CTRB1: variants seen among roughly 807,000 people sequenced by gnomAD.
The protein encoded by CTRB1 is chymotrypsinogen B.
In CTRB1, 15 loss-of-function variants were observed where a neutral mutation model predicts 20.4. That is an observed-to-expected ratio of 0.74 (90% CI 0.49 to 1.13). The LOEUF (loss-of-function observed/expected upper bound fraction) is 1.13, where lower values mean the gene tolerates loss of function less well. CTRB1 is among the 50% of genes most tolerant of loss of function. The pLI is 0.00. For missense variants in CTRB1, 227 were observed against 290.1 expected, an observed-to-expected ratio of 0.78 and a Z score of 1.58; for synonymous variants, 92 against 128.4, an observed-to-expected ratio of 0.72 and a Z score of 1.92.
intron 1 of CTRB1, among the ~76,000 whole-genome samples, chr16:75,219,349 G>GTCC (rs1180982570): frequency 6.6e-6 from 1 of 152,018 alleles, no homozygotes; most frequent in African/African-American, 2.4e-5. Flanking sequence ...CTCCACCGGG[G>GTCC]TTTTTATTGT....
intron 6 of CTRB1, 148 bp from the exon 7 acceptor site, chr16:75,224,557 A>T (rs1170786222): frequency 8.5e-6 from 8 of 940,648 alleles, no homozygotes; most frequent in Admixed American, 7.8e-5. Context: ...AGCAGCTACT[A>T]GGGTCTTTCA....
intron 1 of CTRB1, among the ~76,000 whole-genome samples, chr16:75,220,801 C>G (rs2039072541): frequency 6.6e-6 from 1 of 152,096 alleles, no homozygotes. Flanking sequence ...ACTTGTCGCC[C>G]TGGCTGGAGT....
intron 1 of CTRB1, 62 bp from the exon 2 acceptor site, chr16:75,222,706 C>T (rs535819414): frequency 6.7e-7 from 1 of 1,502,796 alleles, no homozygotes; most frequent in Non-Finnish European, 9.0e-7. Flanking sequence ...GAGCTGCACG[C>T]AGGCAGGTGA....
intron 1 of CTRB1, 133 bp downstream of exon 1, chr16:75,219,192 C>A (rs1367309878): frequency 2.7e-5 from 23 of 863,132 alleles, no homozygotes; most frequent in Non-Finnish European, 3.9e-5. Flanking sequence ...GGAGAGGGTG[C>A]ATTCTGGGGC....
chr16:75,222,484 G>T, intron 1 of CTRB1: 1 of 517,678 alleles, frequency 1.9e-6, no homozygotes, highest in East Asian at 3.2e-5. Flanking sequence ...AGCCCAGGCA[G>T]TCTTACAGCC....
chr16:75,221,068 G>C (rs8048956), intron 1 of CTRB1, among the ~76,000 whole-genome samples: 132,938 of 152,240 alleles, frequency 0.87, 58,433 homozygotes, highest in East Asian at 1. Flanking sequence ...TTGATGCTCT[G>C]AAACGTCAGG....
intron 1 of CTRB1, among the ~76,000 whole-genome samples, chr16:75,219,771 A>G (rs996265285): frequency 1.3e-5 from 2 of 152,220 alleles, no homozygotes; most frequent in Admixed American, 6.5e-5. Flanking sequence ...AATTCAGCAA[A>G]TCTTTTTGCA....
chr16:75,222,414 C>T (rs1480091501), intron 1 of CTRB1, among the ~76,000 whole-genome samples: 2 of 152,204 alleles, frequency 1.3e-5, no homozygotes, highest in Non-Finnish European at 2.9e-5. Context: ...ACACCAAGGC[C>T]TGAGTGCTGC....
chr16:75,221,491 C>G (rs1420616743), intron 1 of CTRB1, among the ~76,000 whole-genome samples: 1 of 152,116 alleles, frequency 6.6e-6, no homozygotes, highest in Non-Finnish European at 1.5e-5. Context: ...TCCCAAGTAG[C>G]TGGGATTGTA....
Position 75,219,023 on chromosome 16 carries a change from C to T in CTRB1, c.16C>T (p.Leu6Phe). The change falls in exon 1 of 7, where the codon CTC (leucine) becomes TTC (phenylalanine). Residue 6 changes from leucine to phenylalanine, a missense_variant. By Grantham distance (22) the Leu-to-Phe change is conservative. This residue lies in a region of CTRB1 where 71 missense variants were observed against 69.1 expected (regional missense o/e 1.03). Coordinates refer to ENST00000361017, the MANE Select transcript of CTRB1 (RefSeq NM_001906.6). MASLW[L>F]LSCFSLVGAA... ...AGGCAGCGGCATGGCTTCCCTCTGG[C>T]TCCTCTCCTGCTTCTCCCTTGTGGG... 1.3e-6 allele frequency: 2 copies of T among 1,591,750 alleles called. No homozygotes were observed. The highest frequency in any genetic ancestry group is 1.1e-5 in the South Asian group (1 of 87,552).
At chr16:75,220,266 C>A (rs2039064409) in intron 1 of CTRB1, among the ~76,000 whole-genome samples, 1 of 152,198 alleles carries the variant, frequency 6.6e-6, no homozygotes, top group Non-Finnish European at 1.5e-5. Context: ...TCACTGCAAC[C>A]TCCGCCTCCT....
intron 1 of CTRB1, 89 bp from the exon 2 acceptor site, chr16:75,222,678 AC>A: frequency 7.1e-7 from 1 of 1,400,328 alleles, no homozygotes; most frequent in Non-Finnish European, 9.6e-7. Context: ...GCTTCAGTGG[AC>A]TGGGGTAGAA....
intron 6 of CTRB1, 34 bp downstream of exon 6, chr16:75,224,222 G>A (rs763901663): frequency 1.6e-5 from 22 of 1,416,164 alleles, no homozygotes; most frequent in Admixed American, 1.0e-4. Flanking sequence ...CTGGCCAGGC[G>A]AGCGGGGTGC....
At position 75,224,795 on chromosome 16, in the gene CTRB1, T is replaced by G; in HGVS notation, c.721T>G (p.Ser241Ala). The G allele has an allele frequency of 6.2e-7, 1 of 1,613,932 alleles. No individual in the cohort carries two copies. Among genetic ancestry groups the G allele is most frequent in the Non-Finnish European group, 8.5e-7 (1 of 1,180,034 alleles). ...CTGGGGCAGCGACACCTGCTCCACC[T>G]CCAGCCCTGGCGTGTACGCCCGTGT... is the stretch of plus-strand genomic sequence containing the variant. ...VSWGSDTCST[S>A]SPGVYARVTK... is the part of the protein sequence containing the mutation. The change falls in exon 7 of 7, where the codon TCC becomes GCC. Residue 241 changes from serine to alanine, a missense_variant. Ser to Ala is a moderately conservative substitution (Grantham distance 99). This residue lies in a region of CTRB1 where 108 missense variants were observed against 76.9 expected (regional missense o/e 1.41). Coordinates refer to ENST00000361017, the MANE Select transcript of CTRB1 (RefSeq NM_001906.6).
intron 1 of CTRB1, among the ~76,000 whole-genome samples, chr16:75,222,064 GAAAAAAAAAA>G (rs71158588): frequency 9.2e-6 from 1 of 108,606 alleles, no homozygotes; most frequent in African/African-American, 3.6e-5. Context: ...GTCTCAAAAA[GAAAAAAAAAA>G]AAAAAAAAAA....
At chr16:75,221,865 A>G (rs1205052156) in intron 1 of CTRB1, among the ~76,000 whole-genome samples, 1 of 151,518 alleles carries the variant, frequency 6.6e-6, no homozygotes, top group African/African-American at 2.4e-5. Flanking sequence ...GATCGAGACC[A>G]TCCTGGCTAA....
chr16:75,222,271 G>A (rs1354425676), intron 1 of CTRB1, among the ~76,000 whole-genome samples: 1 of 152,066 alleles, frequency 6.6e-6, no homozygotes, highest in East Asian at 1.9e-4. Flanking sequence ...TCTGCAAATT[G>A]TCAGAGCCCC....
intron 1 of CTRB1, among the ~76,000 whole-genome samples, chr16:75,220,733 A>G (rs2039071539): frequency 6.7e-6 from 1 of 149,838 alleles, no homozygotes; most frequent in Non-Finnish European, 1.5e-5. Context: ...CTGTTGTGTG[A>G]GTATGCCACC....
chr16:75,219,022 G>A lies in CTRB1; in HGVS notation c.15G>A (p.Trp5Ter), dbSNP rs752813982. MASL[W>*]LLSCFSLVGA... ...GAGGCAGCGGCATGGCTTCCCTCTG[G>A]CTCCTCTCCTGCTTCTCCCTTGTGG... is the stretch of plus-strand genomic sequence containing the variant. Residue 5 changes from tryptophan to a stop codon, truncating the protein, a stop_gained, in exon 1 of 7, where the codon TGG becomes TGA. Transcript: ENST00000361017. LOFTEE classifies it high-confidence loss of function. 1.3e-6 allele frequency: 2 copies of A among 1,591,448 alleles called. No homozygotes were observed. The highest frequency in any genetic ancestry group is 3.5e-5 in the Admixed American group (2 of 56,928).
Sources: allele counts gnomAD v4.1 joint callset (sites outside exome capture counted in the v4.1 genomes callset), GRCh38; gene constraint gnomAD v4.1.1; regional missense constraint gnomAD v4.1.1; transcripts MANE v1.5; gene names NCBI Gene and HGNC (gene_info 2026-07-23, HGNC 2026-07-21).